Variants in MMP26 observed in about 807,000 individuals in gnomAD.
MMP26 encodes matrix metalloproteinase-26.
A neutral mutation model predicts 31.0 loss-of-function variants in MMP26; 33 were observed. The ratio of observed to expected loss-of-function variants is 1.06; its 90% CI spans 0.81 to 1.42. The LOEUF (loss-of-function observed/expected upper bound fraction) is 1.42, where lower values mean the gene tolerates loss of function less well. Among genes scored for constraint, MMP26 ranks in the 40% most tolerant of loss-of-function variants. The pLI is 0.00. For synonymous variants in MMP26, 122 were observed against 114.9 expected (o/e 1.06, Z -0.40); for missense variants, 347 against 316.1 (o/e 1.10, Z -0.74).
intron 1 of MMP26, among the ~76,000 whole-genome samples, chr11:4,731,618 C>T (rs750818804): frequency 6.6e-6 from 1 of 152,126 alleles, no homozygotes; most frequent in East Asian, 1.9e-4. Context: ...GATATGCCTA[C>T]GTATATACCT....
At chr11:4,776,021 T>C (rs1455093902) in intron 2 of MMP26, among the ~76,000 whole-genome samples, 1 of 152,200 alleles carries the variant, frequency 6.6e-6, no homozygotes, top group Non-Finnish European at 1.5e-5. Flanking sequence ...ATTGTTTAGC[T>C]CTCATTTATA....
intron 1 of MMP26, among the ~76,000 whole-genome samples, chr11:4,761,036 C>G (rs1181498190): frequency 6.6e-6 from 1 of 152,030 alleles, no homozygotes. Flanking sequence ...TAGAAGTGAA[C>G]AAAACAGTGG....
At chr11:4,816,513 T>TA (rs1554884906) in intron 2 of MMP26, among the ~76,000 whole-genome samples, 49 of 146,536 alleles carry the variant, frequency 3.3e-4, no homozygotes, top group African/African-American at 5.3e-4. Context: ...GTGAGATAAT[T>TA]AAAAAAAAAA....
intron 2 of MMP26, among the ~76,000 whole-genome samples, chr11:4,851,614 T>C (rs1564793998): frequency 6.6e-6 from 1 of 151,996 alleles, no homozygotes; most frequent in East Asian, 1.9e-4. Context: ...GTCGAGTAAA[T>C]TATATATATT....
chr11:4,811,974 G>A (rs1401415710), intron 2 of MMP26, among the ~76,000 whole-genome samples: 2 of 152,152 alleles, frequency 1.3e-5, no homozygotes, highest in Admixed American at 1.3e-4. Flanking sequence ...GACTCTAAAT[G>A]TGGCTCACAG....
At chr11:4,724,717 C>T (rs533997068) in intron 1 of MMP26, among the ~76,000 whole-genome samples, 21 of 152,236 alleles carry the variant, frequency 1.4e-4, no homozygotes, top group African/African-American at 3.6e-4. Flanking sequence ...AGAACAACTT[C>T]GTTTATTGCT....
At position 4,954,392 on chromosome 11, in the gene MMP26, G is replaced by C. The variant is rs571657092; in HGVS notation, c.-144-33676G>C. On this transcript the variant is annotated intron_variant, in intron 2 of 7. Transcript: ENST00000380390. ...TACTAACATGATTAAAATGGATAGAGAGACAGATATAATATAAAATTTGGG... is the reference window on the plus strand; with the variant it reads ...TACTAACATGATTAAAATGGATAGACAGACAGATATAATATAAAATTTGGG... 3.7e-4 allele frequency among the ~76,000 whole-genome samples: 47 copies of C among 125,376 alleles called. 15 individuals are homozygous for C. Among genetic ancestry groups the C allele is most frequent in the Non-Finnish European group, 9.0e-5 (5 of 55,426 alleles). The allele number at this position is 125,376 out of a possible 152,430, so 82.3% of individuals were successfully genotyped here.
At chr11:4,718,051 C>A (rs555041910) in intron 1 of MMP26, among the ~76,000 whole-genome samples, 1 of 152,058 alleles carries the variant, frequency 6.6e-6, no homozygotes, top group South Asian at 2.1e-4. Flanking sequence ...TTTAATATCA[C>A]GAATAGACTG....
At chr11:4,856,399 C>G (rs1384408746) in intron 2 of MMP26, among the ~76,000 whole-genome samples, 5 of 151,602 alleles carry the variant, frequency 3.3e-5, no homozygotes, top group African/African-American at 1.2e-4. Flanking sequence ...AATGGAAAAC[C>G]AAAAAAAGCA....
intron 2 of MMP26, among the ~76,000 whole-genome samples, chr11:4,811,919 C>G (rs1423678515): frequency 2.0e-5 from 3 of 152,150 alleles, no homozygotes; most frequent in Non-Finnish European, 2.9e-5. Flanking sequence ...GGCCCCTCAT[C>G]ATTTGAGTCT....
At chr11:4,943,503 C>T (rs1347261846) in intron 2 of MMP26, 1 of 456,050 alleles carries the variant, frequency 2.2e-6, no homozygotes, top group Non-Finnish European at 4.4e-6. Context: ...TAATGCTTGG[C>T]ACCACTGACA....
chr11:4,838,406 C>T (rs1288455744), intron 2 of MMP26, among the ~76,000 whole-genome samples: 1 of 102,842 alleles, frequency 9.7e-6, no homozygotes, highest in Admixed American at 1.2e-4. Flanking sequence ...TACCAACAAA[C>T]ATGTAAACTT....
intron 2 of MMP26, among the ~76,000 whole-genome samples, chr11:4,940,980 T>A (rs1313142380): frequency 6.6e-6 from 1 of 152,204 alleles, no homozygotes; most frequent in Non-Finnish European, 1.5e-5. Flanking sequence ...TTAAATCTCC[T>A]CTTTTGAAGT....
At chr11:4,744,039 G>T (rs1335867617) in intron 1 of MMP26, among the ~76,000 whole-genome samples, 2 of 152,026 alleles carry the variant, frequency 1.3e-5, no homozygotes, top group Non-Finnish European at 2.9e-5. Flanking sequence ...GGACTCAAGT[G>T]ATCCTCCTGC....
At chr11:4,936,826 G>T (rs1846120054) in intron 2 of MMP26, among the ~76,000 whole-genome samples, 2 of 152,086 alleles carry the variant, frequency 1.3e-5, no homozygotes, top group African/African-American at 2.4e-5. Context: ...TAATTGACTA[G>T]TATGACTCCA....
chr11:4,799,609 A>G (rs1410939060), intron 2 of MMP26, among the ~76,000 whole-genome samples: 4 of 152,176 alleles, frequency 2.6e-5, no homozygotes, highest in Non-Finnish European at 5.9e-5. Flanking sequence ...GTTGCAAAAT[A>G]CAATCATCCT....
chr11:4,960,092 G>A (rs117630787), intron 2 of MMP26, among the ~76,000 whole-genome samples: 2,750 of 126,632 alleles, frequency 0.022, 32 homozygotes, highest in Middle Eastern at 0.077. Context: ...TTGGCTATTA[G>A]CAATTTAGTA....
At chr11:4,958,570 A>G (rs1196959410) in intron 2 of MMP26, among the ~76,000 whole-genome samples, 5 of 152,068 alleles carry the variant, frequency 3.3e-5, no homozygotes, top group Admixed American at 6.5e-5. Flanking sequence ...TCAACCATCT[A>G]TCTTCTCTAT....
At chr11:4,971,559 T>A (rs532708622) in intron 2 of MMP26, among the ~76,000 whole-genome samples, 1 of 152,220 alleles carries the variant, frequency 6.6e-6, no homozygotes, top group Non-Finnish European at 1.5e-5. Flanking sequence ...AAAGTAAGAA[T>A]GTATGGAAAA....
Sources: gnomAD v4.1 joint callset for allele counts (sites outside exome capture counted in the v4.1 genomes callset) on GRCh38, gnomAD v4.1.1 for gene constraint, MANE v1.5 for transcripts, NCBI Gene and HGNC (gene_info 2026-07-23, HGNC 2026-07-21) for gene names.